TPCN2: variants seen among roughly 807,000 people sequenced by gnomAD.
The protein encoded by TPCN2 is two pore channel protein 2.
A neutral mutation model predicts 111.4 loss-of-function variants in TPCN2; 92 were observed. That is an observed-to-expected ratio of 0.83 (90% CI 0.70 to 0.98). TPCN2 has a LOEUF of 0.98. Ranked by LOEUF, TPCN2 falls within the 50% of genes least tolerant of loss-of-function variation. The pLI is 0.00. For synonymous variants in TPCN2, 405 were observed against 414.5 expected (o/e 0.98, Z 0.28); for missense variants, 995 against 980.1 (o/e 1.02, Z -0.20).
rs535296898 is a variant in TPCN2, at chr11:69,060,430, C to T, written c.547-2454C>T. ...TGGCTTGCAGGGAGGACTGGGTGCC[C>T]TCCAGCCTTGTGGCCGAGTGGGTTG... On this transcript the variant is annotated intron_variant, in intron 5 of 24. Coordinates refer to ENST00000294309, the MANE Select transcript of TPCN2 (RefSeq NM_139075.4). Among the ~76,000 whole-genome samples, 4 of 152,342 alleles carry T rather than the reference C, an allele frequency of 2.6e-5. No individual in the cohort carries two copies. In the South Asian group the frequency reaches 8.3e-4, roughly 32 times the overall value.
chr11:69,085,077 G>A (rs1374342262), intron 19 of TPCN2, 133 bp from the exon 20 acceptor site: 2 of 917,908 alleles, frequency 2.2e-6, no homozygotes. Flanking sequence ...TAGCAGCCAG[G>A]CTGGAATCCC....
chr11:69,083,558 C>T (rs1451856532), intron 18 of TPCN2, among the ~76,000 whole-genome samples: 3 of 152,186 alleles, frequency 2.0e-5, no homozygotes, highest in Admixed American at 6.5e-5. Context: ...GAGTAGCTGA[C>T]CCACCTGCAG....
chr11:69,077,092 C>CCTCCTGTT (rs1565091605), intron 13 of TPCN2, among the ~76,000 whole-genome samples: 7 of 2,818 alleles, frequency 2.5e-3, no homozygotes, highest in Non-Finnish European at 7.1e-3. Flanking sequence ...GCCCTCCTGC[C>CCTCCTGTT]ATGTCCCTCC....
intron 1 of TPCN2, among the ~76,000 whole-genome samples, chr11:69,053,662 T>C (rs984661278): frequency 1.2e-4 from 19 of 152,032 alleles, no homozygotes; most frequent in Admixed American, 2.0e-4. Context: ...TGGCTGTAAA[T>C]AGCCCCACTT....
At chr11:69,073,361 C>A (rs1241867443) in intron 13 of TPCN2, among the ~76,000 whole-genome samples, 1 of 152,248 alleles carries the variant, frequency 6.6e-6, no homozygotes, top group Non-Finnish European at 1.5e-5. Flanking sequence ...TTACAAAGTT[C>A]CCAGGTGGGC....
intron 20 of TPCN2, 90 bp downstream of exon 20, chr11:69,085,376 T>C: frequency 7.0e-6 from 9 of 1,291,386 alleles, no homozygotes; most frequent in Non-Finnish European, 1.0e-5. Context: ...GGGCTCAGCA[T>C]CTCAGGATGG....
intron 8 of TPCN2, among the ~76,000 whole-genome samples, chr11:69,069,104 T>G: frequency 7.7e-6 from 1 of 130,172 alleles, no homozygotes; most frequent in Non-Finnish European, 1.7e-5. Flanking sequence ...ACTATCTGAG[T>G]CCTAGGAAGT....
Position 69,078,504 on chromosome 11 carries a change from A to G in TPCN2, c.1253A>G (p.Gln418Arg), listed in dbSNP as rs775394380. 15 of 1,613,984 alleles carry G rather than the reference A, an allele frequency of 9.3e-6. No homozygotes were observed. The East Asian group carries it at 3.1e-4, about 34-fold the overall frequency. The change falls in exon 14 of 25, where the codon CAG becomes CGG. Residue 418 changes from glutamine to arginine, a missense_variant. Physicochemically the swap from Gln to Arg is conservative, Grantham distance 43. Transcript: ENST00000294309. ...VKEHPPRPEYQSPFLQSAQFL... is the reference protein window; with the variant it reads ...VKEHPPRPEYRSPFLQSAQFL... ...CAGCACCCGCCGAGGCCCGAGTACC[A>G]GTCTCCGTTTCTGCAGAGCGCCCAG...
At chr11:69,057,472 G>A (rs1176737099) in intron 4 of TPCN2, 106 bp from the exon 5 acceptor site, 7 of 1,065,172 alleles carry the variant, frequency 6.6e-6, no homozygotes, top group African/African-American at 1.6e-5. Context: ...TTGTGGAGGC[G>A]CACCCTGCTC....
In TPCN2 at chr11:69,071,920, C is replaced by T; in HGVS notation, c.961-3C>T. 1 of 1,613,590 alleles carries T rather than the reference C, an allele frequency of 6.2e-7. No homozygotes were observed. The highest frequency in any genetic ancestry group is 8.5e-7 in the Non-Finnish European group (1 of 1,179,730). On this transcript the variant is annotated splice_polypyrimidine_tract_variant and splice_region_variant and intron_variant, in intron 10 of 24. Coordinates refer to ENST00000294309, the MANE Select transcript of TPCN2 (RefSeq NM_139075.4). ...CTGCCGTTCATAGCCTTCCTCTTTG[C>T]AGAAATCTCTCCAGACCTCGCTGTT...
chr11:69,077,697 C>T lies in TPCN2; in HGVS notation c.1231-785C>T, dbSNP rs565041914. Among the ~76,000 whole-genome samples the T allele has an allele frequency of 4.6e-5, 7 of 152,338 alleles. No homozygotes were observed. The South Asian group carries it at 1.4e-3, about 32-fold the overall frequency. On this transcript the variant is annotated intron_variant, in intron 13 of 24. Coordinates refer to ENST00000294309, the MANE Select transcript of TPCN2 (RefSeq NM_139075.4). Reference sequence around the variant, plus strand: ...TATACATGAAGCATTGCGATTTTCACTCTGCAGCCTGCCTGTTCACGCAGC... The same window carrying T: ...TATACATGAAGCATTGCGATTTTCATTCTGCAGCCTGCCTGTTCACGCAGC...
chr11:69,083,814 T>C, intron 18 of TPCN2, 131 bp from the exon 19 acceptor site: 1 of 752,452 alleles, frequency 1.3e-6, no homozygotes. Flanking sequence ...GGTCCAGGTG[T>C]GTGTGTGTGG....
At chr11:69,054,670 G>A in intron 2 of TPCN2, 51 bp from the exon 3 acceptor site, 1 of 1,567,812 alleles carries the variant, frequency 6.4e-7, no homozygotes, top group South Asian at 1.1e-5. Flanking sequence ...TCGGGTCACG[G>A]CCCACCCTGC....
At chr11:69,079,244 G>A in intron 16 of TPCN2, 1 of 584,880 alleles carries the variant, frequency 1.7e-6, no homozygotes, top group Non-Finnish European at 2.9e-6. Flanking sequence ...GAGTGTCATG[G>A]GGGGCAGGCT....
At chr11:69,070,391 C>T (rs773181153) in intron 8 of TPCN2, 39 bp from the exon 9 acceptor site, 37 of 1,521,270 alleles carry the variant, frequency 2.4e-5, no homozygotes, top group Middle Eastern at 1.7e-4. Flanking sequence ...GGATCAGGTA[C>T]TGAGGTTGTC....
In TPCN2 at chr11:69,088,958, T is replaced by TC. The variant is rs1397671018; in HGVS notation, c.*1009dup. 1 of 152,196 alleles carries TC rather than the reference T, an allele frequency of 6.6e-6. No individual in the cohort carries two copies. The allele number at this position is 152,196 out of a possible 1,614,324, so 9.4% of individuals were successfully genotyped here. ...CCAGAAACAACTCCGGGGACACCAC[T>TC]CCCCATCACACTCCACACCGAGCCT... is the stretch of plus-strand genomic sequence containing the variant. On this transcript the variant is annotated 3_prime_UTR_variant, in exon 25 of 25. Coordinates refer to ENST00000294309, the MANE Select transcript of TPCN2 (RefSeq NM_139075.4).
intron 2 of TPCN2, 153 bp downstream of exon 2, chr11:69,054,250 G>A (rs1030660309): frequency 8.2e-5 from 53 of 645,652 alleles, no homozygotes; most frequent in East Asian, 4.4e-4. Flanking sequence ...ACGGCTCTTC[G>A]TCAGTCCCCG....
At position 69,054,740 on chromosome 11, in the gene TPCN2, G is replaced by A. The variant is rs770457555; in HGVS notation, c.194G>A (p.Arg65Gln). The change falls in exon 3 of 25, where the codon CGG (arginine) becomes CAG (glutamine). Residue 65 changes from arginine (R) to glutamine (Q), a missense_variant. Arg to Gln is a conservative substitution (Grantham distance 43, BLOSUM62 1). Coordinates refer to ENST00000294309, the MANE Select transcript of TPCN2 (RefSeq NM_139075.4). ...DAIQYRSINH[R>Q]VDASSMWLYR... Reference sequence around the variant, plus strand: ...TTGTAGTACCGCTCCATCAACCACCGGGTGGATGCCAGCTCGATGTGGCTT... The same window carrying A: ...TTGTAGTACCGCTCCATCAACCACCAGGTGGATGCCAGCTCGATGTGGCTT... 6 of 1,614,008 alleles carry A rather than the reference G, an allele frequency of 3.7e-6. No homozygotes were observed. The highest frequency in any genetic ancestry group is 2.2e-5 in the East Asian group (1 of 44,884).
chr11:69,085,701 T>C lies in TPCN2; in HGVS notation c.1869T>C (p.Cys623=). ...SLAPANGSAP[C]GSFEQLEYWA... ...CCCCTGCCAATGGCTCGGCGCCCTG[T>C]GGGAGCTTCGAGCAGCTGGAGTACT... The change falls in exon 21 of 25, where the codon TGT becomes TGC. Residue 623 remains cysteine, a synonymous_variant. Coordinates refer to ENST00000294309, the MANE Select transcript of TPCN2 (RefSeq NM_139075.4). The C allele has an allele frequency of 6.2e-7, 1 of 1,613,958 alleles. No homozygotes were observed. Among genetic ancestry groups the C allele is most frequent in the South Asian group, 1.1e-5 (1 of 91,080 alleles).
Sources: gnomAD v4.1 joint callset for allele counts (sites outside exome capture counted in the v4.1 genomes callset) on GRCh38, gnomAD v4.1.1 for gene constraint, MANE v1.5 for transcripts, NCBI Gene and HGNC (gene_info 2026-07-23, HGNC 2026-07-21) for gene names.